Variants in MYO7B observed in about 807,000 individuals in gnomAD.
The protein encoded by MYO7B is unconventional myosin-VIIb.
In MYO7B, 212 loss-of-function variants were observed where a neutral mutation model predicts 259.7. The observed-to-expected ratio is 0.82, with a 90% confidence interval of 0.73 to 0.91. The LOEUF is 0.91. MYO7B is among the 40% of genes least tolerant of loss of function. The pLI is 0.00. For synonymous variants in MYO7B, 1,197 were observed against 1,166.4 expected (o/e 1.03, Z -0.54); for missense variants, 2,732 against 2,813.5 (o/e 0.97, Z 0.66).
Position 127,609,478 on chromosome 2 carries a change from G to A in MYO7B, c.2815-28G>A. On this transcript the variant is annotated intron_variant, in intron 22 of 47. Coordinates refer to ENST00000409816, the MANE Select transcript of MYO7B (RefSeq NM_001393586.1). This position sits in a 1 kb window ranked among gnomAD's most constrained non-coding sequence, Gnocchi z 6.9. ...TTGGTTGTTACCTGAAAGCCCTGCT[G>A]ACCCGTGTTCTCCCTCAATGGCCGT... 1 of 1,590,894 alleles carries A rather than the reference G, an allele frequency of 6.3e-7. No homozygotes were observed. The highest frequency in any genetic ancestry group is 8.6e-7 in the Non-Finnish European group (1 of 1,168,014).
chr2:127,623,083 C>T, intron 28 of MYO7B, 119 bp from the exon 29 acceptor site: 2 of 1,260,180 alleles, frequency 1.6e-6, no homozygotes, highest in South Asian at 3.0e-5. Context: ...CCCCTGGGAA[C>T]CCACGGGATG....
At position 127,584,707 on chromosome 2, in the gene MYO7B, A is replaced by T. The variant is rs969326200; in HGVS notation, c.1555-71A>T. On this transcript the variant is annotated intron_variant, in intron 13 of 47. Coordinates refer to ENST00000409816, the MANE Select transcript of MYO7B (RefSeq NM_001393586.1). The surrounding 1 kb of genome is among the most constrained non-coding windows in gnomAD (Gnocchi z 5.8). ...CCAGATCTCTTTGCCTCCATGAGGA[A>T]GTCCCTGAGCCTCACCTCCCCATGG... is the stretch of plus-strand genomic sequence containing the variant. The T allele has an allele frequency of 4.9e-5, 76 of 1,562,120 alleles. No individual in the cohort carries two copies. The highest frequency in any genetic ancestry group is 6.4e-5 in the Non-Finnish European group (73 of 1,146,544).
intron 26 of MYO7B, among the ~76,000 whole-genome samples, chr2:127,618,260 G>A (rs530053449): frequency 2.0e-5 from 3 of 152,162 alleles, no homozygotes; most frequent in African/African-American, 7.2e-5. Flanking sequence ...CGGAACGAAG[G>A]GGGATGAACG....
In MYO7B at chr2:127,584,010, A is replaced by G. The variant is rs905877868; in HGVS notation, c.1344-112A>G. ...GTACACGAGGTGTGCATCTGTGGGC[A>G]TATCTGTATGCAGCTGTTTGCAGAT... On this transcript the variant is annotated intron_variant, in intron 12 of 47. Coordinates refer to ENST00000409816, the MANE Select transcript of MYO7B (RefSeq NM_001393586.1). The surrounding 1 kb of genome is among the most constrained non-coding windows in gnomAD (Gnocchi z 5.8). 28 of 913,640 alleles carry G rather than the reference A, an allele frequency of 3.1e-5. No individual in the cohort carries two copies. The South Asian group carries it at 3.5e-4, about 11-fold the overall frequency. 56.6% of individuals were successfully genotyped at this position (913,640 alleles called of 1,614,324 possible).
At chr2:127,635,422 AC>A in intron 43 of MYO7B, 196 bp downstream of exon 43, 1 of 631,718 alleles carries the variant, frequency 1.6e-6, no homozygotes. Flanking sequence ...CAGTGACTGC[AC>A]TGGCACCTGC....
intron 19 of MYO7B, among the ~76,000 whole-genome samples, chr2:127,598,870 C>G (rs1169529216): frequency 6.6e-6 from 1 of 152,136 alleles, no homozygotes; most frequent in African/African-American, 2.4e-5. Context: ...ACATCTTTAT[C>G]AAAACCTAGC....
intron 1 of MYO7B, among the ~76,000 whole-genome samples, chr2:127,553,684 A>T (rs1255738164): frequency 6.6e-6 from 1 of 152,230 alleles, no homozygotes; most frequent in Non-Finnish European, 1.5e-5. Flanking sequence ...TGCTAGATAT[A>T]CAATCATATC....
Position 127,590,250 on chromosome 2 carries a change from C to T in MYO7B, c.1992+21C>T. 6.2e-7 allele frequency: 1 copy of T among 1,612,442 alleles called. No homozygotes were observed. Among genetic ancestry groups the T allele is most frequent in the Non-Finnish European group, 8.5e-7 (1 of 1,179,696 alleles). ...CGCTGGTAATGACAGGAGGCTGGGG[C>T]ACAGCAAAGGAGGGAGGAGGAGGAG... On this transcript the variant is annotated intron_variant, in intron 16 of 47. Transcript: ENST00000409816. The surrounding 1 kb of genome is among the most constrained non-coding windows in gnomAD (Gnocchi z 4.6).
rs1048791509 is a variant in MYO7B at position 127,585,281 on chromosome 2, A to G, written c.1690+368A>G. Reference sequence around the variant, plus strand: ...TTCCCCCCAGCCCTGGGCAACAATTAATTTCTGTCTCTATGGATTTGCCTA... The same window carrying G: ...TTCCCCCCAGCCCTGGGCAACAATTGATTTCTGTCTCTATGGATTTGCCTA... On this transcript the variant is annotated intron_variant, in intron 14 of 47. Coordinates refer to ENST00000409816, the MANE Select transcript of MYO7B (RefSeq NM_001393586.1). This position sits in a 1 kb window ranked among gnomAD's most constrained non-coding sequence, Gnocchi z 4.3. 1.3e-5 allele frequency among the ~76,000 whole-genome samples: 2 copies of G among 152,030 alleles called. No individual in the cohort carries two copies. The highest frequency in any genetic ancestry group is 6.6e-5 in the Admixed American group (1 of 15,252).
Position 127,558,718 on chromosome 2 carries a change from G to A in MYO7B, c.-23-982G>A, listed in dbSNP as rs1677931868. Reference sequence around the variant, plus strand: ...ATGGAATACTACTCAGCCATAAAAAGGAATGAATTAATGGCTTTCACAGCA... The same window carrying A: ...ATGGAATACTACTCAGCCATAAAAAAGAATGAATTAATGGCTTTCACAGCA... On this transcript the variant is annotated intron_variant, in intron 1 of 47. Transcript: ENST00000409816. Among the ~76,000 whole-genome samples, 6 of 152,264 alleles carry A rather than the reference G, an allele frequency of 3.9e-5. No homozygotes were observed. The South Asian group carries it at 1.2e-3, about 32-fold the overall frequency.
Position 127,576,557 on chromosome 2 carries a change from C to T in MYO7B, c.736-38C>T, listed in dbSNP as rs1162032594. On this transcript the variant is annotated intron_variant, in intron 7 of 47. Coordinates refer to ENST00000409816, the MANE Select transcript of MYO7B (RefSeq NM_001393586.1). The surrounding 1 kb of genome is among the most constrained non-coding windows in gnomAD (Gnocchi z 4.9). Reference sequence around the variant, plus strand: ...AGGCCCTGAGGCCTCAGGGGAATGGCTCATGAATCTGTCTGGAATGCCCTC... The same window carrying T: ...AGGCCCTGAGGCCTCAGGGGAATGGTTCATGAATCTGTCTGGAATGCCCTC... The T allele has an allele frequency of 7.2e-7, 1 of 1,383,970 alleles. No individual in the cohort carries two copies. Among genetic ancestry groups the T allele is most frequent in the Non-Finnish European group, 1.0e-6 (1 of 994,274 alleles). The allele number at this position is 1,383,970 out of a possible 1,614,324, so 85.7% of individuals were successfully genotyped here. A position where few individuals can be genotyped will look rare whatever the true frequency, so the allele number is the denominator to read the frequency against.
At chr2:127,582,677 CT>C (rs777728931) in intron 12 of MYO7B, among the ~76,000 whole-genome samples, 7 of 152,222 alleles carry the variant, frequency 4.6e-5, no homozygotes, top group Non-Finnish European at 8.8e-5. Context: ...ATTTGTCACC[CT>C]TCTTGGGCCA....
chr2:127,631,216 A>G lies in MYO7B; in HGVS notation c.4948A>G (p.Lys1650Glu). 1 of 1,600,990 alleles carries G rather than the reference A, an allele frequency of 6.2e-7. No individual in the cohort carries two copies. The highest frequency in any genetic ancestry group is 8.5e-7 in the Non-Finnish European group (1 of 1,170,982). ...CCTCTAACCTCACAGGGCTCCAGAG[A>G]AGGACATGGTGAGCATGGCCGTGCT... ...FSYEFFRAPE[K>E]DMVSMAVLPL... Residue 1650 changes from lysine to glutamate, a missense_variant, in exon 37 of 48, where the codon AAG becomes GAG. By Grantham distance (56) the Lys-to-Glu change is moderately conservative. Coordinates refer to ENST00000409816, the MANE Select transcript of MYO7B (RefSeq NM_001393586.1).
At chr2:127,542,707 A>G (rs1039853381) in intron 1 of MYO7B, among the ~76,000 whole-genome samples, 15 of 152,188 alleles carry the variant, frequency 9.9e-5, no homozygotes, top group Admixed American at 9.2e-4. Flanking sequence ...TGCTCAGCAT[A>G]TGGAGGACCC....
intron 1 of MYO7B, among the ~76,000 whole-genome samples, chr2:127,545,468 T>C (rs150690951): frequency 6.6e-6 from 1 of 152,276 alleles, no homozygotes; most frequent in African/African-American, 2.4e-5. Context: ...TGGGGGACAT[T>C]GGGAAGTTAC....
In MYO7B at chr2:127,629,655, C is replaced by T; in HGVS notation, c.4635C>T (p.Thr1545=). The change falls in exon 35 of 48, where the codon ACC becomes ACT. Residue 1545 remains threonine (T), a synonymous_variant. Transcript: ENST00000409816. ...TCCCTGCCCTTACAGATGACACCAC[C>T]CTCCTGGCCTTCAAGAAGGGGGACC... The part of the protein sequence containing the change: ...LQDRKATDDT[T]LLAFKKGDLL... 2 of 1,612,112 alleles carry T rather than the reference C, an allele frequency of 1.2e-6. No homozygotes were observed. The highest frequency in any genetic ancestry group is 1.7e-6 in the Non-Finnish European group (2 of 1,179,390).
In MYO7B at chr2:127,559,292, C is replaced by T. The variant is rs533170014; in HGVS notation, c.-23-408C>T. Among the ~76,000 whole-genome samples the T allele has an allele frequency of 5.9e-5, 9 of 152,296 alleles. No homozygotes were observed. Among genetic ancestry groups the T allele is most frequent in the South Asian group, 2.1e-4 (1 of 4,814 alleles). Reference sequence around the variant, plus strand: ...GTCCCATGTCTAAAGTGAGGGAACACGCACATTCTGCAGTGCTGTGAGGCT... The same window carrying T: ...GTCCCATGTCTAAAGTGAGGGAACATGCACATTCTGCAGTGCTGTGAGGCT... On this transcript the variant is annotated intron_variant, in intron 1 of 47. Transcript: ENST00000409816. The surrounding 1 kb of genome is among the most constrained non-coding windows in gnomAD (Gnocchi z 4.1).
chr2:127,631,097 G>A, intron 36 of MYO7B, 109 bp from the exon 37 acceptor site: 1 of 1,427,338 alleles, frequency 7.0e-7, no homozygotes, highest in Non-Finnish European at 9.3e-7. Flanking sequence ...CTTGCGGCAG[G>A]GTGGGGTGCT....
chr2:127,614,442 C>T lies in MYO7B; in HGVS notation c.3398+1839C>T, dbSNP rs1161131553. On this transcript the variant is annotated intron_variant, in intron 26 of 47. Coordinates refer to ENST00000409816, the MANE Select transcript of MYO7B (RefSeq NM_001393586.1). The surrounding 1 kb of genome is among the most constrained non-coding windows in gnomAD (Gnocchi z 4.6). ...TACAGTACATGTACAGCTCCCATCT[C>T]CTGTCCTCTCTCCTCCTTGCCCATC... Among the ~76,000 whole-genome samples the T allele has an allele frequency of 6.6e-6, 1 of 152,182 alleles. No homozygotes were observed. The highest frequency in any genetic ancestry group is 1.5e-5 in the Non-Finnish European group (1 of 68,046).
Sources: allele counts gnomAD v4.1 joint callset (sites outside exome capture counted in the v4.1 genomes callset), GRCh38; gene constraint gnomAD v4.1.1; non-coding constraint Gnocchi (gnomAD v3.1); transcripts MANE v1.5; gene names NCBI Gene and HGNC (gene_info 2026-07-23, HGNC 2026-07-21).